The following IGFBP7 variants were observed in gnomAD, a reference collection of about 807,000 sequenced individuals.
IGFBP7 encodes insulin like growth factor binding protein 7.
Under a neutral mutation model 29.4 loss-of-function variants are expected in IGFBP7, and 31 were observed. The ratio of observed to expected loss-of-function variants is 1.05; its 90% CI spans 0.79 to 1.42. The LOEUF is 1.42. Ranked by LOEUF, IGFBP7 falls within the 40% of genes most tolerant of loss-of-function variation. The pLI, the probability that IGFBP7 is intolerant of heterozygous loss-of-function variation, is 0.00. For synonymous variants in IGFBP7, 172 were observed against 174.9 expected (o/e 0.98, Z 0.13); for missense variants, 393 against 395.5 (o/e 0.99, Z 0.05).
intron 1 of IGFBP7, among the ~76,000 whole-genome samples, chr4:57,055,120 A>G (rs1724622685): frequency 6.6e-6 from 1 of 152,194 alleles, no homozygotes; most frequent in Non-Finnish European, 1.5e-5. Context: ...GCAGGTTGGA[A>G]AAGATTTCAT....
chr4:57,042,220 A>G (rs1724244117), intron 1 of IGFBP7, among the ~76,000 whole-genome samples: 2 of 152,190 alleles, frequency 1.3e-5, no homozygotes, highest in African/African-American at 2.4e-5. Context: ...CCTTTTTGCT[A>G]TGAAAGTGGT....
intron 1 of IGFBP7, among the ~76,000 whole-genome samples, chr4:57,053,148 C>G (rs35190777): frequency 0.24 from 35,812 of 151,666 alleles, 4,523 homozygotes; most frequent in East Asian, 0.33. Flanking sequence ...TCCAGAGTAG[C>G]TGATACTACA....
intron 4 of IGFBP7, 150 bp downstream of exon 4, chr4:57,032,276 G>A (rs1723950303): frequency 1.4e-6 from 2 of 1,442,730 alleles, no homozygotes; most frequent in African/African-American, 1.4e-5. Flanking sequence ...GTCTCATGCT[G>A]TACATTTTAA....
intron 1 of IGFBP7, among the ~76,000 whole-genome samples, chr4:57,060,563 C>T (rs140534897): frequency 6.6e-6 from 1 of 152,270 alleles, no homozygotes; most frequent in East Asian, 1.9e-4. Context: ...CCAGTTACCC[C>T]AGTTCGTTAT....
chr4:57,061,370 C>T (rs764811204), intron 1 of IGFBP7, among the ~76,000 whole-genome samples: 4 of 152,118 alleles, frequency 2.6e-5, no homozygotes, highest in Non-Finnish European at 4.4e-5. Flanking sequence ...AAATTAGGCA[C>T]GGTAAGAGAT....
chr4:57,107,104 G>A (rs1429833380), intron 1 of IGFBP7, among the ~76,000 whole-genome samples: 2 of 152,170 alleles, frequency 1.3e-5, no homozygotes, highest in Non-Finnish European at 2.9e-5. Context: ...CAAGCTCCAG[G>A]GCTCCAGGGC....
intron 1 of IGFBP7, among the ~76,000 whole-genome samples, chr4:57,077,439 G>A (rs1417143853): frequency 3.3e-5 from 5 of 151,978 alleles, no homozygotes; most frequent in African/African-American, 9.7e-5. Flanking sequence ...CACCATACCC[G>A]GCTAATTTTT....
In IGFBP7 at chr4:57,086,454, C is replaced by A. The variant is rs1241038607; in HGVS notation, c.475+23423G>T. On this transcript the variant is annotated intron_variant, in intron 1 of 4. Transcript: ENST00000295666. Reference sequence around the variant, plus strand: ...CCACTAATGGACTTTCCAGTGAAAACCTGTTGGCTATGTTGAGATTTACCT... The same window carrying A: ...CCACTAATGGACTTTCCAGTGAAAAACTGTTGGCTATGTTGAGATTTACCT... Among the ~76,000 whole-genome samples the A allele has an allele frequency of 2.0e-5, 3 of 152,302 alleles. No individual in the cohort carries two copies. In the East Asian group the frequency reaches 5.8e-4, roughly 29 times the overall value.
rs114219273 is a variant in IGFBP7, at chr4:57,072,981, C to A, written c.476-32048G>T. 3.2e-3 allele frequency: 2,766 copies of A among 856,888 alleles called. 59 individuals carry two copies. The African/African-American group carries it at 0.042, about 13-fold the overall frequency. The allele number at this position is 856,888 out of a possible 1,614,324, so 53.1% of individuals were successfully genotyped here. A position where few individuals can be genotyped will look rare whatever the true frequency, so the allele number is the denominator to read the frequency against. ...TGGTCTGCCCTGTATGATGTCAGGACCATCCTGCTCTCCATCCACAGCCTT... is the reference window on the plus strand; with the variant it reads ...TGGTCTGCCCTGTATGATGTCAGGAACATCCTGCTCTCCATCCACAGCCTT... On this transcript the variant is annotated intron_variant, in intron 1 of 4. Transcript: ENST00000295666.
intron 1 of IGFBP7, among the ~76,000 whole-genome samples, chr4:57,054,137 C>A (rs995217413): frequency 8.5e-5 from 13 of 152,086 alleles, no homozygotes; most frequent in Non-Finnish European, 1.9e-4. Flanking sequence ...GGTGAGCAAC[C>A]ACCAAGCCTG....
chr4:57,104,184 T>C (rs1056379539), intron 1 of IGFBP7, among the ~76,000 whole-genome samples: 1 of 152,224 alleles, frequency 6.6e-6, no homozygotes, highest in Admixed American at 6.5e-5. Flanking sequence ...TGACAAAGTT[T>C]CCTTCTTTTT....
chr4:57,062,772 A>G (rs1724828558), intron 1 of IGFBP7, among the ~76,000 whole-genome samples: 1 of 152,226 alleles, frequency 6.6e-6, no homozygotes, highest in South Asian at 2.1e-4. Flanking sequence ...GAAAACTTTA[A>G]AAGTCAATGT....
intron 1 of IGFBP7, among the ~76,000 whole-genome samples, chr4:57,047,844 C>T (rs899752161): frequency 3.3e-5 from 5 of 152,134 alleles, no homozygotes; most frequent in Non-Finnish European, 7.3e-5. Flanking sequence ...AAACAATCCT[C>T]CCACCTCAGC....
chr4:57,096,168 T>G (rs1725759630), intron 1 of IGFBP7, among the ~76,000 whole-genome samples: 1 of 151,124 alleles, frequency 6.6e-6, no homozygotes, highest in Non-Finnish European at 1.5e-5. Context: ...TCTGTCTGAT[T>G]CAAATAAGAG....
intron 1 of IGFBP7, among the ~76,000 whole-genome samples, chr4:57,059,494 A>G (rs1019575540): frequency 4.6e-5 from 7 of 152,326 alleles, no homozygotes; most frequent in African/African-American, 1.7e-4. Flanking sequence ...CTAACACAGG[A>G]ACAGAAAACC....
rs1424794270 is a variant in IGFBP7 at position 57,049,826 on chromosome 4, A to AG, written c.476-8894dup. Among the ~76,000 whole-genome samples, 5 of 152,200 alleles carry AG rather than the reference A, an allele frequency of 3.3e-5. No individual in the cohort carries two copies. In the East Asian group the frequency reaches 9.6e-4, roughly 29 times the overall value. On this transcript the variant is annotated intron_variant, in intron 1 of 4. Transcript: ENST00000295666. ...AGCTCAGGCTGTGTGAAGTGGGTATAGGGCAGCAGTAACTTCAGAACAACA... is the reference window on the plus strand; with the variant it reads ...AGCTCAGGCTGTGTGAAGTGGGTATAGGGGCAGCAGTAACTTCAGAACAACA...
chr4:57,098,474 C>A (rs1279634420), intron 1 of IGFBP7, among the ~76,000 whole-genome samples: 1 of 152,156 alleles, frequency 6.6e-6, no homozygotes, highest in African/African-American at 2.4e-5. Context: ...CCTGCCCTGC[C>A]CTGCCAGTTA....
intron 1 of IGFBP7, chr4:57,109,635 A>G (rs2109812031): frequency 1.2e-5 from 7 of 563,324 alleles, no homozygotes; most frequent in East Asian, 3.3e-5. Flanking sequence ...CCCGGCCCTC[A>G]CTTTCTGGAC....
chr4:57,107,411 G>A (rs1372063654), intron 1 of IGFBP7, among the ~76,000 whole-genome samples: 1 of 152,202 alleles, frequency 6.6e-6, no homozygotes, highest in Non-Finnish European at 1.5e-5. Flanking sequence ...CCTAGACAAT[G>A]CATTTCCTAT....
Sources: gnomAD v4.1 joint callset for allele counts (sites outside exome capture counted in the v4.1 genomes callset) on GRCh38, gnomAD v4.1.1 for gene constraint, MANE v1.5 for transcripts, NCBI Gene and HGNC (gene_info 2026-07-23, HGNC 2026-07-21) for gene names.